The following NOL4 variants were observed in gnomAD, a reference collection of about 807,000 sequenced individuals.
NOL4 encodes the protein nucleolar protein 4, also known as cancer/testis antigen 125.
In NOL4, 17 loss-of-function variants were observed where a neutral mutation model predicts 75.9. The ratio of observed to expected loss-of-function variants is 0.22; its 90% confidence interval spans 0.15 to 0.34. The LOEUF is 0.34. NOL4 is among the 10% of genes least tolerant of loss of function. The pLI is 1.00. For synonymous variants in NOL4, 292 were observed against 289.9 expected (o/e 1.01, Z -0.07); for missense variants, 614 against 793.5 (o/e 0.77, Z 2.72).
rs536923222 is a variant in NOL4 at position 34,142,057 on chromosome 18, G to T, written c.265-12037C>A. ...ACACTTCTCAAAAGAAGACATTTTTGCAGCCAACAGACACATGAAAAAATG... is the reference window on the plus strand; with the variant it reads ...ACACTTCTCAAAAGAAGACATTTTTTCAGCCAACAGACACATGAAAAAATG... On this transcript the variant is annotated intron_variant, in intron 1 of 10. Transcript: ENST00000261592. Among the ~76,000 whole-genome samples the T allele has an allele frequency of 8.5e-5, 13 of 152,224 alleles. 1 individual carries two copies. The East Asian group carries it at 2.5e-3, about 29-fold the overall frequency.
At chr18:33,976,539 C>T (rs1434490880) in intron 6 of NOL4, among the ~76,000 whole-genome samples, 3 of 152,090 alleles carry the variant, frequency 2.0e-5, no homozygotes, top group South Asian at 2.1e-4. Flanking sequence ...AGTTTAGTTT[C>T]CACAATTGAA....
At chr18:33,967,826 T>C (rs1262866518) in intron 6 of NOL4, among the ~76,000 whole-genome samples, 1 of 152,158 alleles carries the variant, frequency 6.6e-6, no homozygotes, top group Non-Finnish European at 1.5e-5. Context: ...CGGTGGCTCA[T>C]GCCTGTAATC....
chr18:34,005,730 A>G (rs1217956228), intron 6 of NOL4, among the ~76,000 whole-genome samples: 1 of 152,038 alleles, frequency 6.6e-6, no homozygotes, highest in African/African-American at 2.4e-5. Context: ...TAATGCTTAC[A>G]TACTTCGATG....
At chr18:34,143,769 G>A (rs1391583824) in intron 1 of NOL4, among the ~76,000 whole-genome samples, 1 of 150,104 alleles carries the variant, frequency 6.7e-6, no homozygotes, top group Non-Finnish European at 1.5e-5. Flanking sequence ...GGAGGCTGAA[G>A]CAGGAGAATT....
chr18:34,216,105 T>C (rs1461879918), intron 1 of NOL4, among the ~76,000 whole-genome samples: 4 of 152,188 alleles, frequency 2.6e-5, no homozygotes, highest in African/African-American at 7.2e-5. Context: ...CTTCAGAAGA[T>C]ATACATTATG....
At chr18:33,879,041 C>T (rs1010603510) in intron 10 of NOL4, among the ~76,000 whole-genome samples, 1 of 152,066 alleles carries the variant, frequency 6.6e-6, no homozygotes, top group African/African-American at 2.4e-5. Flanking sequence ...GAGTTCCTCT[C>T]TATGTGAGGC....
chr18:33,962,146 G>A (rs968205100), intron 6 of NOL4, among the ~76,000 whole-genome samples: 3 of 152,106 alleles, frequency 2.0e-5, no homozygotes, highest in Non-Finnish European at 2.9e-5. Flanking sequence ...AGTCGTGATA[G>A]CATCATTTGT....
At chr18:34,205,013 C>G (rs1488911757) in intron 1 of NOL4, among the ~76,000 whole-genome samples, 6 of 152,096 alleles carry the variant, frequency 3.9e-5, no homozygotes. Flanking sequence ...GTATCCTAGT[C>G]CTTTCTCTAA....
chr18:33,996,168 G>A (rs1307174347), intron 6 of NOL4, among the ~76,000 whole-genome samples: 1 of 151,640 alleles, frequency 6.6e-6, no homozygotes, highest in Non-Finnish European at 1.5e-5. Flanking sequence ...AGCTAGTGAA[G>A]TTAGATAAGA....
chr18:34,127,712 A>G (rs1439890946), intron 2 of NOL4, among the ~76,000 whole-genome samples: 1 of 151,882 alleles, frequency 6.6e-6, no homozygotes, highest in African/African-American at 2.4e-5. Flanking sequence ...AGTCACATGC[A>G]CAGTTTCACT....
chr18:34,142,299 A>C (rs2146005414), intron 1 of NOL4, among the ~76,000 whole-genome samples: 1 of 152,346 alleles, frequency 6.6e-6, no homozygotes, highest in East Asian at 1.9e-4. Context: ...TAGAACTAGA[A>C]ATACCATTTG....
Position 33,852,350 on chromosome 18 carries a change from T to C in NOL4, c.*492A>G, listed in dbSNP as rs1294421032. The C allele has an allele frequency of 6.6e-6, 1 of 151,868 alleles. No homozygotes were observed. Among genetic ancestry groups the C allele is most frequent in the Admixed American group, 6.6e-5 (1 of 15,182 alleles). 9.4% of individuals were successfully genotyped at this position (151,868 alleles called of 1,614,324 possible). A position where few individuals can be genotyped will look rare whatever the true frequency, so the allele number is the denominator to read the frequency against. On this transcript the variant is annotated 3_prime_UTR_variant, in exon 11 of 11. Coordinates refer to ENST00000261592, the MANE Select transcript of NOL4 (RefSeq NM_003787.5). ...GAATGAAAAACAAGTTTTCTTTTTA[T>C]AAAAATTACATATTTTTTTAAAATA... is the stretch of plus-strand genomic sequence containing the variant.
At chr18:34,103,340 C>T (rs1349423299) in intron 4 of NOL4, among the ~76,000 whole-genome samples, 1 of 151,978 alleles carries the variant, frequency 6.6e-6, no homozygotes, top group East Asian at 1.9e-4. Flanking sequence ...ATAAACCATA[C>T]ATATATAACT....
rs75573912 is a variant in NOL4 at position 34,144,155 on chromosome 18, C to T, written c.265-14135G>A. Among the ~76,000 whole-genome samples, 151 of 152,076 alleles carry T rather than the reference C, an allele frequency of 9.9e-4. No individual in the cohort carries two copies. The East Asian group carries it at 0.018, about 18-fold the overall frequency. ...ACTATATAAAAATAATTATTCATGACGAGTTTTGAGCACATATTCCCTTTT... is the reference window on the plus strand; with the variant it reads ...ACTATATAAAAATAATTATTCATGATGAGTTTTGAGCACATATTCCCTTTT... On this transcript the variant is annotated intron_variant, in intron 1 of 10. Transcript: ENST00000261592.
intron 6 of NOL4, among the ~76,000 whole-genome samples, chr18:34,011,347 T>C (rs2074362643): frequency 6.6e-6 from 1 of 151,828 alleles, no homozygotes; most frequent in Non-Finnish European, 1.5e-5. Context: ...AACTAGCATA[T>C]TGAAACAAAT....
intron 9 of NOL4, among the ~76,000 whole-genome samples, chr18:33,923,416 G>A (rs1273721126): frequency 1.3e-5 from 2 of 151,760 alleles, no homozygotes; most frequent in Non-Finnish European, 2.9e-5. Flanking sequence ...CATATTAACA[G>A]TTTATCTGAG....
intron 5 of NOL4, among the ~76,000 whole-genome samples, chr18:34,061,026 A>G (rs1264040900): frequency 6.6e-6 from 1 of 152,200 alleles, no homozygotes; most frequent in Non-Finnish European, 1.5e-5. Flanking sequence ...TAGAACTTCA[A>G]AATTACTTAG....
At chr18:34,110,387 A>G (rs937308785) in intron 2 of NOL4, among the ~76,000 whole-genome samples, 13 of 152,168 alleles carry the variant, frequency 8.5e-5, no homozygotes, top group African/African-American at 3.1e-4. Flanking sequence ...AACATACACA[A>G]ATCAATAAAT....
intron 10 of NOL4, among the ~76,000 whole-genome samples, chr18:33,854,522 G>A (rs2167689): frequency 0.35 from 53,622 of 151,824 alleles, 9,577 homozygotes; most frequent in South Asian, 0.46. Context: ...TACTGAACCT[G>A]TGTTGAGGCA....
Sources: gnomAD v4.1 joint callset for allele counts (sites outside exome capture counted in the v4.1 genomes callset) on GRCh38, gnomAD v4.1.1 for gene constraint, MANE v1.5 for transcripts, NCBI Gene and HGNC (gene_info 2026-07-23, HGNC 2026-07-21) for gene names.